The following COX11 variants were observed in gnomAD, a reference collection of about 807,000 sequenced individuals.
COX11 encodes cytochrome c oxidase copper chaperone COX11, also known as cytochrome c oxidase assembly protein COX11, mitochondrial.
Under a neutral mutation model 29.4 loss-of-function variants are expected in COX11, and 18 were observed. The observed-to-expected ratio is 0.61, with a 90% CI of 0.42 to 0.91. The LOEUF is 0.91. COX11 is among the 40% of genes least tolerant of loss of function. The pLI is 0.00. For synonymous variants in COX11, 131 were observed against 124.0 expected, an observed-to-expected ratio of 1.06 and a Z score of -0.38; for missense variants, 312 against 346.0, an observed-to-expected ratio of 0.90 and a Z score of 0.78.
downstream of COX11, among the ~76,000 whole-genome samples, chr17:54,958,667 C>T (rs2111096): frequency 0.51 from 76,004 of 148,242 alleles, 19,899 homozygotes; most frequent in Non-Finnish European, 0.56. Context: ...GAGGTAGAGG[C>T]TGCAGTGAGC....
chr17:54,965,950 AC>A (rs1567857861), intron 1 of COX11, among the ~76,000 whole-genome samples: 1 of 152,142 alleles, frequency 6.6e-6, no homozygotes, highest in Non-Finnish European at 1.5e-5. Flanking sequence ...AAAACAAAAA[AC>A]AAATTTGAGG....
At chr17:54,953,876 G>GC (rs2049358518) in exon 1 of COX11, 1 of 152,154 alleles carries the variant, frequency 6.6e-6, no homozygotes, top group Admixed American at 6.5e-5. Context: ...GTACTACTCA[G>GC]CTTTTGGGTC....
Position 54,968,411 on chromosome 17 carries a change from G to A in COX11, c.236C>T (p.Pro79Leu), listed in dbSNP as rs756012803. Residue 79 changes from proline (P) to leucine (L), a missense_variant, in exon 1 of 4, where the codon CCT (proline) becomes CTT (leucine). Around this residue, in one of 2 missense-constraint regions of COX11, gnomAD observed 130 missense variants for 106.0 expected, o/e 1.23. Coordinates refer to ENST00000299335, the MANE Select transcript of COX11 (RefSeq NM_004375.5). ...CTCCTCCTCCTGCGCGCGTGTGAAA[G>A]GGTTCGAGCTCTTAGGCCGCCGCGG... ...QPPRRPKSSN[P>L]FTRAQEEERR... The A allele has an allele frequency of 6.2e-7, 1 of 1,613,390 alleles. No individual in the cohort carries two copies. Among genetic ancestry groups the A allele is most frequent in the South Asian group, 1.1e-5 (1 of 91,088 alleles).
At chr17:54,968,727 G>A, upstream of COX11, 8 of 1,481,166 alleles carry the variant, frequency 5.4e-6, no homozygotes, top group Admixed American at 2.2e-5. Flanking sequence ...CGCGAGATCT[G>A]GGTTGAGCCT....
Position 54,962,294 on chromosome 17 carries a change from C to G in COX11, c.*439G>C, listed in dbSNP as rs1356413454. Reference sequence around the variant, plus strand: ...TATTCATAATGAAGGAAAATAGCAACCAACTCTTTTAGACACAATAAACAT... The same window carrying G: ...TATTCATAATGAAGGAAAATAGCAAGCAACTCTTTTAGACACAATAAACAT... On this transcript the variant is annotated 3_prime_UTR_variant, in exon 4 of 4. Transcript: ENST00000299335. 4 of 985,442 alleles carry G rather than the reference C, an allele frequency of 4.1e-6. No individual in the cohort carries two copies. The African/African-American group carries it at 7.0e-5, about 17-fold the overall frequency. 61.0% of individuals were successfully genotyped at this position (985,442 alleles called of 1,614,324 possible).
chr17:54,963,175 G>GAAGA, intron 3 of COX11, 131 bp downstream of exon 3: 1 of 1,044,156 alleles, frequency 9.6e-7, no homozygotes, highest in Non-Finnish European at 1.4e-6. Context: ...TATAGATAGT[G>GAAGA]AAGAAAAATA....
intron 1 of COX11, among the ~76,000 whole-genome samples, chr17:54,966,842 A>G (rs2077225185): frequency 6.6e-6 from 1 of 152,204 alleles, no homozygotes; most frequent in South Asian, 2.1e-4. Flanking sequence ...GCCAGAAAAG[A>G]AAAGTCCTTT....
In COX11 at chr17:54,960,540, C is replaced by A; in HGVS notation, c.*2193G>T. 6.2e-7 allele frequency: 1 copy of A among 1,601,024 alleles called. No individual in the cohort carries two copies. Among genetic ancestry groups the A allele is most frequent in the Non-Finnish European group, 8.6e-7 (1 of 1,169,088 alleles). On this transcript the variant is annotated 3_prime_UTR_variant, in exon 4 of 4. Coordinates refer to ENST00000299335, the MANE Select transcript of COX11 (RefSeq NM_004375.5). ...AGCACTTTGAAATTGATACATAACC[C>A]TTTTGCTGTGATGGCTTTGTTTCAG... is the stretch of plus-strand genomic sequence containing the variant.
downstream of COX11, chr17:54,959,550 T>G (rs1050666721): frequency 6.6e-6 from 1 of 151,448 alleles, no homozygotes; most frequent in African/African-American, 2.4e-5. Context: ...GAAATGACAG[T>G]GATGAGCTAT....
chr17:54,960,687 C>G lies in COX11; in HGVS notation c.*2046G>C. 1 of 1,289,350 alleles carries G rather than the reference C, an allele frequency of 7.8e-7. No homozygotes were observed. The highest frequency in any genetic ancestry group is 2.3e-5 in the East Asian group (1 of 43,226). The allele number at this position is 1,289,350 out of a possible 1,614,324, so 79.9% of individuals were successfully genotyped here. A position where few individuals can be genotyped will look rare whatever the true frequency, so the allele number is the denominator to read the frequency against. ...TTCCATATAATTTCAGTATAATTAT[C>G]ACTTTACATATTTAGTATTTAAATT... On this transcript the variant is annotated 3_prime_UTR_variant, in exon 4 of 4. Transcript: ENST00000299335.
At chr17:54,965,887 G>T (rs998226238) in intron 1 of COX11, among the ~76,000 whole-genome samples, 2 of 151,946 alleles carry the variant, frequency 1.3e-5, no homozygotes, top group Non-Finnish European at 2.9e-5. Context: ...GATACTTGAG[G>T]TTGCCAGAAT....
At chr17:54,959,953 T>C (rs1014654285), downstream of COX11, among the ~76,000 whole-genome samples, 2 of 152,044 alleles carry the variant, frequency 1.3e-5, no homozygotes, top group Admixed American at 6.6e-5. Context: ...CAGAAGAAAC[T>C]GAGGAGTTTT....
In COX11 at chr17:54,962,787, G is replaced by T. The variant is rs1294345478; in HGVS notation, c.777C>A (p.Tyr259Ter). Residue 259 changes from tyrosine to a stop codon, truncating the protein, a stop_gained, in exon 4 of 4, where the codon TAC (tyrosine) becomes TAA (stop). Coordinates refer to ENST00000299335, the MANE Select transcript of COX11 (RefSeq NM_004375.5). LOFTEE classifies it high-confidence loss of function. The stretch of plus-strand genomic sequence containing the variant: ...GCCCTTCCTTTGCTTCAAAAAAAGT[G>T]TAAGAAAGAGTGATAAGATCAACTT... ...MIKVDLITLS[Y>*]TFFEAKEGHK... is the part of the protein sequence containing the mutation. The T allele has an allele frequency of 1.9e-6, 3 of 1,612,968 alleles. No individual in the cohort carries two copies. The highest frequency in any genetic ancestry group is 1.7e-5 in the Admixed American group (1 of 59,962).
At chr17:54,954,347 T>A (rs2049382910) in exon 1 of COX11, 1 of 152,182 alleles carries the variant, frequency 6.6e-6, no homozygotes, top group Admixed American at 6.5e-5. Flanking sequence ...GTCAACAGTT[T>A]TAAAAAACAC....
intron 1 of COX11, among the ~76,000 whole-genome samples, chr17:54,965,438 T>G (rs1365030120): frequency 2.6e-5 from 4 of 152,188 alleles, no homozygotes; most frequent in African/African-American, 7.2e-5. Flanking sequence ...TAGTAGAGCT[T>G]TTATATAAAT....
chr17:54,960,346 A>C (rs1313574926), downstream of COX11, among the ~76,000 whole-genome samples: 2 of 151,980 alleles, frequency 1.3e-5, no homozygotes, highest in Non-Finnish European at 2.9e-5. Context: ...GCCTGGACAA[A>C]AGAGTGAGAC....
At chr17:54,957,138 C>G, downstream of COX11, 1 of 152,244 alleles carries the variant, frequency 6.6e-6, no homozygotes, top group East Asian at 1.9e-4. Flanking sequence ...CTGGAGACCC[C>G]TCCTATCTGC....
rs1197893360 is a variant in COX11, at chr17:54,968,349, C to G, written c.298G>C (p.Ala100Pro). ...RQNKTTLTYV[A>P]AVAVGMLGAS... is the part of the protein sequence containing the mutation. Reference sequence around the variant, plus strand: ...CCCAGCATGCCCACGGCGACAGCGGCCACGTAAGTGAGGGTCGTCTTGTTC... The same window carrying G: ...CCCAGCATGCCCACGGCGACAGCGGGCACGTAAGTGAGGGTCGTCTTGTTC... The change falls in exon 1 of 4, where the codon GCC becomes CCC. Residue 100 changes from alanine to proline, a missense_variant. Coordinates refer to ENST00000299335, the MANE Select transcript of COX11 (RefSeq NM_004375.5). 1 of 1,612,962 alleles carries G rather than the reference C, an allele frequency of 6.2e-7. No homozygotes were observed. The highest frequency in any genetic ancestry group is 1.1e-5 in the South Asian group (1 of 91,076).
intron 2 of COX11, among the ~76,000 whole-genome samples, chr17:54,963,739 T>C (rs1469012098): frequency 6.6e-6 from 1 of 152,092 alleles, no homozygotes; most frequent in Non-Finnish European, 1.5e-5. Context: ...AAGCCAATCA[T>C]ATCACAGCCC....
Sources: allele counts gnomAD v4.1 joint callset (sites outside exome capture counted in the v4.1 genomes callset), GRCh38; gene constraint gnomAD v4.1.1; regional missense constraint gnomAD v4.1.1; transcripts MANE v1.5; gene names NCBI Gene and HGNC (gene_info 2026-07-23, HGNC 2026-07-21).